The following SFMBT1 variants were observed in gnomAD, a reference collection of about 807,000 sequenced individuals.
SFMBT1 encodes scm-like with four MBT domains protein 1.
SFMBT1 carries 32 observed loss-of-function variants against 108.7 expected under a neutral mutation model. That is an observed-to-expected ratio of 0.29 (90% CI 0.22 to 0.40). SFMBT1 has a LOEUF of 0.40. Among genes scored for constraint, SFMBT1 ranks in the 10% least tolerant of loss-of-function variants. The pLI is 1.00. For synonymous variants in SFMBT1, 348 were observed against 369.5 expected, an observed-to-expected ratio of 0.94 and a Z score of 0.67; for missense variants, 816 against 1,059.6, an observed-to-expected ratio of 0.77 and a Z score of 3.19.
intron 2 of SFMBT1, among the ~76,000 whole-genome samples, chr3:52,968,326 A>G (rs1221266297): frequency 1.3e-5 from 2 of 152,192 alleles, no homozygotes; most frequent in East Asian, 3.9e-4. Context: ...GTGATGGAAT[A>G]GTTCTGTATT....
chr3:52,946,301 G>C lies in SFMBT1; in HGVS notation c.124-2708C>G, dbSNP rs542904810. The stretch of plus-strand genomic sequence containing the variant: ...ACTGGAAAATGCAAGTGGAATCCTG[G>C]AGACAGCCAGAGAGGGAAAGTCCCA... On this transcript the variant is annotated intron_variant, in intron 3 of 20. Coordinates refer to ENST00000394752, the MANE Select transcript of SFMBT1 (RefSeq NM_016329.4). 5.9e-5 allele frequency among the ~76,000 whole-genome samples: 9 copies of C among 152,358 alleles called. No individual in the cohort carries two copies. The South Asian group carries it at 1.7e-3, about 28-fold the overall frequency.
At chr3:52,965,132 G>GT (rs1206092542) in intron 2 of SFMBT1, among the ~76,000 whole-genome samples, 1 of 151,966 alleles carries the variant, frequency 6.6e-6, no homozygotes, top group Non-Finnish European at 1.5e-5. Context: ...GACATTTTAG[G>GT]TTGAGACTAT....
At chr3:52,907,462 G>A (rs1472526577) in intron 18 of SFMBT1, 93 bp downstream of exon 18, 1 of 1,525,426 alleles carries the variant, frequency 6.6e-7, no homozygotes, top group Non-Finnish European at 8.8e-7. Flanking sequence ...CCAGAGATCT[G>A]AGTTAGAAAG....
Position 52,984,770 on chromosome 3 carries a change from C to G in SFMBT1, c.-130-15512G>C, listed in dbSNP as rs895244505. Among the ~76,000 whole-genome samples the G allele has an allele frequency of 5.0e-3, 462 of 93,090 alleles. 2 individuals carry two copies. The highest frequency in any genetic ancestry group is 7.6e-3 in the Non-Finnish European group (355 of 46,876). 61.1% of individuals were successfully genotyped at this position (93,090 alleles called of 152,430 possible). A position where few individuals can be genotyped will look rare whatever the true frequency, so the allele number is the denominator to read the frequency against. ...TGTGTGTGTGTGTGTGTGTGTGTGT[C>G]TATTCATACTATAATGATTCATACT... On this transcript the variant is annotated intron_variant, in intron 1 of 20. Coordinates refer to ENST00000394752, the MANE Select transcript of SFMBT1 (RefSeq NM_016329.4).
rs555431905 is a variant in SFMBT1, at chr3:53,034,422, C to T, written c.-131+11394G>A. 1.5e-3 allele frequency among the ~76,000 whole-genome samples: 225 copies of T among 150,678 alleles called. 2 individuals carry two copies. Among genetic ancestry groups the T allele is most frequent in the African/African-American group, 5.3e-3 (219 of 41,026 alleles). On this transcript the variant is annotated intron_variant, in intron 1 of 20. Transcript: ENST00000394752. ...TGAAATCCCATCTCTACTAAAAATA[C>T]AAAAATTAGCTGGGTGTGGTGGTGC...
chr3:52,951,561 TG>T (rs1219812572), intron 3 of SFMBT1, among the ~76,000 whole-genome samples: 3 of 82,086 alleles, frequency 3.7e-5, no homozygotes, highest in African/African-American at 9.9e-5. Context: ...GGATTACAGG[TG>T]CTTGCTACGA....
chr3:53,004,784 TTGA>T (rs1257719404), intron 1 of SFMBT1, among the ~76,000 whole-genome samples: 2 of 137,404 alleles, frequency 1.5e-5, no homozygotes, highest in Non-Finnish European at 3.4e-5. Context: ...GGCCTCCACC[TTGA>T]TGCCAGCCAA....
chr3:52,947,159 A>C (rs1703398491), intron 3 of SFMBT1, among the ~76,000 whole-genome samples: 1 of 144,770 alleles, frequency 6.9e-6, no homozygotes, highest in African/African-American at 2.6e-5. Context: ...ACTCTGTCGC[A>C]CAGGCTGGAG....
At chr3:53,039,871 G>T (rs971592105) in intron 1 of SFMBT1, among the ~76,000 whole-genome samples, 2 of 152,014 alleles carry the variant, frequency 1.3e-5, no homozygotes, top group African/African-American at 2.4e-5. Flanking sequence ...GCGCAGGTTT[G>T]TTACATATAA....
Position 52,921,689 on chromosome 3 carries a change from G to C in SFMBT1, c.1258+16C>G, listed in dbSNP as rs376860366. 4.3e-6 allele frequency: 7 copies of C among 1,613,080 alleles called. No homozygotes were observed. The Admixed American group carries it at 5.0e-5, about 12-fold the overall frequency. ...GAGAGTGGCCACAGGAAGGCTTCTA[G>C]AGTGCTGGCACTCACCCTCCAGCTG... On this transcript the variant is annotated intron_variant, in intron 11 of 20. Coordinates refer to ENST00000394752, the MANE Select transcript of SFMBT1 (RefSeq NM_016329.4).
chr3:52,938,407 C>T (rs1283977216), intron 4 of SFMBT1, among the ~76,000 whole-genome samples: 1 of 152,050 alleles, frequency 6.6e-6, no homozygotes, highest in Non-Finnish European at 1.5e-5. Flanking sequence ...CTTTCTAAGT[C>T]TCTTTCGTCA....
chr3:52,960,928 G>T (rs955226580), intron 2 of SFMBT1, among the ~76,000 whole-genome samples: 1 of 152,202 alleles, frequency 6.6e-6, no homozygotes, highest in African/African-American at 2.4e-5. Context: ...TTAAGCCCAG[G>T]AGTTTGAGAC....
At chr3:52,934,791 T>C (rs1456105351) in intron 5 of SFMBT1, 22 bp downstream of exon 5, 6 of 1,584,358 alleles carry the variant, frequency 3.8e-6, no homozygotes, top group Non-Finnish European at 5.2e-6. Context: ...TCCATGCTGA[T>C]GTGGCATGTA....
Position 52,954,402 on chromosome 3 carries a change from G to C in SFMBT1, c.38C>G (p.Ser13Cys), listed in dbSNP as rs769340342. ...GCTTAATTCTACCTCTTCCATACCA[G>C]AGCCGGCATCTAGAATTAAAAATAA... ...GEQQLDADAGSGMEEVELSWE... is the reference protein window; with the variant it reads ...GEQQLDADAGCGMEEVELSWE... The change falls in exon 3 of 21, where the codon TCT (serine) becomes TGT (cysteine). Residue 13 changes from serine to cysteine, a missense_variant. Physicochemically the swap from Ser to Cys is moderately radical, Grantham distance 112. Around this residue, in one of 5 missense-constraint regions of SFMBT1, gnomAD observed 495 missense variants for 607.4 expected, o/e 0.81. Coordinates refer to ENST00000394752, the MANE Select transcript of SFMBT1 (RefSeq NM_016329.4). The C allele has an allele frequency of 1.9e-6, 3 of 1,612,658 alleles. No individual in the cohort carries two copies. The highest frequency in any genetic ancestry group is 2.5e-6 in the Non-Finnish European group (3 of 1,179,514).
At chr3:52,932,481 T>C (rs1262722771) in intron 5 of SFMBT1, among the ~76,000 whole-genome samples, 173 bp from the exon 6 acceptor site, 1 of 152,248 alleles carries the variant, frequency 6.6e-6, no homozygotes, top group Non-Finnish European at 1.5e-5. Context: ...TTCTAGGAGA[T>C]ATGAAAATGT....
chr3:52,964,852 A>G lies in SFMBT1; in HGVS notation c.28+4249T>C, dbSNP rs2106850790. On this transcript the variant is annotated intron_variant, in intron 2 of 20. Coordinates refer to ENST00000394752, the MANE Select transcript of SFMBT1 (RefSeq NM_016329.4). The stretch of plus-strand genomic sequence containing the variant: ...ATTTGATCATCAAATGAATGATGAC[A>G]GCAATACATTCAAACTCATCAAATG... Among the ~76,000 whole-genome samples the G allele has an allele frequency of 1.3e-5, 2 of 152,346 alleles. 1 individual carries two copies.
At chr3:53,000,074 G>A (rs1698489304) in intron 1 of SFMBT1, among the ~76,000 whole-genome samples, 1 of 149,942 alleles carries the variant, frequency 6.7e-6, no homozygotes, top group East Asian at 1.9e-4. Flanking sequence ...GTGTTAGCCA[G>A]GATGGTCTTG....
chr3:52,981,870 A>G (rs1041799001), intron 1 of SFMBT1, among the ~76,000 whole-genome samples: 2 of 152,202 alleles, frequency 1.3e-5, no homozygotes, highest in Admixed American at 1.3e-4. Context: ...TCGAAGGGAA[A>G]AGATAAAAGC....
At chr3:52,972,583 C>T (rs1384574041) in intron 1 of SFMBT1, among the ~76,000 whole-genome samples, 3 of 152,028 alleles carry the variant, frequency 2.0e-5, no homozygotes, top group Non-Finnish European at 4.4e-5. Context: ...GGTATTATCA[C>T]CCTCTTGTAG....
Sources: gnomAD v4.1 joint callset for allele counts (sites outside exome capture counted in the v4.1 genomes callset) on GRCh38, gnomAD v4.1.1 for gene constraint, gnomAD v4.1.1 regional missense constraint, MANE v1.5 for transcripts, NCBI Gene and HGNC (gene_info 2026-07-23, HGNC 2026-07-21) for gene names.